Variants in FBXO7 observed in about 807,000 individuals in gnomAD.
FBXO7 encodes F-box only protein 7.
A neutral mutation model predicts 50.2 loss-of-function variants in FBXO7; 31 were observed. The observed-to-expected ratio is 0.62, with a 90% CI of 0.46 to 0.83. The LOEUF (loss-of-function observed/expected upper bound fraction) is 0.83, where lower values mean the gene tolerates loss of function less well. Among genes scored for constraint, FBXO7 ranks in the 40% least tolerant of loss-of-function variants. The pLI is 0.00. For synonymous variants in FBXO7, 256 were observed against 253.1 expected (o/e 1.01, Z -0.11); for missense variants, 667 against 646.6 (o/e 1.03, Z -0.34).
chr22:32,492,908 A>G (rs2146002347), intron 6 of FBXO7, 197 bp from the exon 7 acceptor site: 3 of 633,560 alleles, frequency 4.7e-6, no homozygotes, highest in Non-Finnish European at 8.4e-6. Context: ...GCCTAGAGTT[A>G]TATGAGTTAA....
At chr22:32,483,268 G>C (rs1225742577) in intron 2 of FBXO7, among the ~76,000 whole-genome samples, 1 of 152,142 alleles carries the variant, frequency 6.6e-6, no homozygotes, top group Non-Finnish European at 1.5e-5. Flanking sequence ...GAATATGGAG[G>C]GTGAAGTTAG....
chr22:32,477,669 T>C (rs538434059), intron 1 of FBXO7, among the ~76,000 whole-genome samples: 1 of 152,346 alleles, frequency 6.6e-6, no homozygotes, highest in Admixed American at 6.5e-5. Flanking sequence ...ATAATACTCC[T>C]CTAACTTTTT....
At chr22:32,480,859 T>C (rs551462573) in intron 2 of FBXO7, among the ~76,000 whole-genome samples, 1 of 152,148 alleles carries the variant, frequency 6.6e-6, no homozygotes, top group East Asian at 1.9e-4. Flanking sequence ...AGAGATGGGG[T>C]TTCACCATGT....
Position 32,474,996 on chromosome 22 carries a change from C to T in FBXO7, c.-7C>T, listed in dbSNP as rs1024567522. ...GGTCCAGGCCCCTCGGGCCGCCTGC[C>T]GCCGTCATGAGGCTGCGGGTGCGGC... On this transcript the variant is annotated 5_prime_UTR_variant, in exon 1 of 9. Transcript: ENST00000266087. 6 of 1,533,784 alleles carry T rather than the reference C, an allele frequency of 3.9e-6. No individual in the cohort carries two copies. The highest frequency in any genetic ancestry group is 1.4e-5 in the African/African-American group (1 of 71,734).
rs1376538332 is a variant in FBXO7, at chr22:32,475,135, G to A, written c.122+11G>A. On this transcript the variant is annotated intron_variant, in intron 1 of 8. Transcript: ENST00000266087. ...CACCTGGGGGTACAGGTACGCTGGG[G>A]CCGGGGCTGGGCGGCCCGCGGGGAG... 3 of 1,540,192 alleles carry A rather than the reference G, an allele frequency of 1.9e-6. No homozygotes were observed. Among genetic ancestry groups the A allele is most frequent in the African/African-American group, 1.4e-5 (1 of 71,800 alleles).
intron 1 of FBXO7, among the ~76,000 whole-genome samples, chr22:32,477,163 T>C (rs540667126): frequency 3.9e-5 from 6 of 152,342 alleles, no homozygotes; most frequent in Non-Finnish European, 7.3e-5. Flanking sequence ...ACTTGTTTTC[T>C]AGCAAACAGG....
rs1486056512 is a variant in FBXO7 at position 32,474,895 on chromosome 22, T to G, written c.-108T>G. ...CGCCTCAGCTACCCCTCAGCTCCGG[T>G]AGTCGCCAGTCCGGGGTCGTCGCCG... is the stretch of plus-strand genomic sequence containing the variant. On this transcript the variant is annotated 5_prime_UTR_variant, in exon 1 of 9. Transcript: ENST00000266087. The G allele has an allele frequency of 9.0e-7, 1 of 1,111,864 alleles. No homozygotes were observed. The highest frequency in any genetic ancestry group is 1.6e-5 in the African/African-American group (1 of 61,078). 68.9% of individuals were successfully genotyped at this position (1,111,864 alleles called of 1,614,324 possible). A position where few individuals can be genotyped will look rare whatever the true frequency, so the allele number is the denominator to read the frequency against.
intron 2 of FBXO7, among the ~76,000 whole-genome samples, chr22:32,480,956 G>A (rs571700455): frequency 2.6e-5 from 4 of 152,252 alleles, no homozygotes; most frequent in East Asian, 3.9e-4. Context: ...GTGAGCCACC[G>A]TGCCTGGCCT....
chr22:32,475,257 G>T, intron 1 of FBXO7, 133 bp downstream of exon 1: 2 of 1,555,606 alleles, frequency 1.3e-6, no homozygotes, highest in Non-Finnish European at 1.7e-6. Flanking sequence ...GGGGACGCCG[G>T]GGGGGCCTTC....
chr22:32,475,228 C>T, intron 1 of FBXO7, 104 bp downstream of exon 1: 3 of 1,515,990 alleles, frequency 2.0e-6, no homozygotes, highest in Non-Finnish European at 2.6e-6. Context: ...CGGGCGTGGC[C>T]GGGCGATAGG....
chr22:32,480,232 A>T (rs904758766), intron 2 of FBXO7, among the ~76,000 whole-genome samples: 2 of 152,112 alleles, frequency 1.3e-5, no homozygotes, highest in African/African-American at 4.8e-5. Context: ...ATAATTTTTG[A>T]GCTGAAAAAG....
At chr22:32,495,620 G>A in intron 8 of FBXO7, 90 bp downstream of exon 8, 1 of 617,016 alleles carries the variant, frequency 1.6e-6, no homozygotes, top group African/African-American at 1.9e-5. Flanking sequence ...ACTTTTATAT[G>A]ATGTAGTGAA....
rs764041917 is a variant in FBXO7, at chr22:32,498,536, T to C, written c.*6T>C. The C allele has an allele frequency of 6.2e-7, 1 of 1,611,396 alleles. No homozygotes were observed. Among genetic ancestry groups the C allele is most frequent in the African/African-American group, 1.3e-5 (1 of 75,052 alleles). On this transcript the variant is annotated 3_prime_UTR_variant, in exon 9 of 9. Coordinates refer to ENST00000266087, the MANE Select transcript of FBXO7 (RefSeq NM_012179.4). ...GCCGGCTGTCATTCATGTGATTGATTTGTAATTTCATTTCTGGAGCTCCAT... is the reference window on the plus strand; with the variant it reads ...GCCGGCTGTCATTCATGTGATTGATCTGTAATTTCATTTCTGGAGCTCCAT...
In FBXO7 at chr22:32,482,841, A is replaced by G. The variant is rs552590048; in HGVS notation, c.418-1056A>G. ...TGGGTGACATGTAGTCTGGTTTTTT[A>G]TAAACTTGCAGTCATGGAAGGATGC... On this transcript the variant is annotated intron_variant, in intron 2 of 8. Transcript: ENST00000266087. Among the ~76,000 whole-genome samples, 4 of 152,358 alleles carry G rather than the reference A, an allele frequency of 2.6e-5. No homozygotes were observed. In the East Asian group the frequency reaches 5.8e-4, roughly 22 times the overall value.
At chr22:32,482,103 A>G (rs2057468912) in intron 2 of FBXO7, among the ~76,000 whole-genome samples, 1 of 152,196 alleles carries the variant, frequency 6.6e-6, no homozygotes, top group Admixed American at 6.5e-5. Flanking sequence ...AATGGCCAAA[A>G]GTTAGACATA....
At position 32,485,300 on chromosome 22, in the gene FBXO7, C is replaced by T. The variant is rs548467125; in HGVS notation, c.787+91C>T. 9 of 1,481,444 alleles carry T rather than the reference C, an allele frequency of 6.1e-6. No homozygotes were observed. The South Asian group carries it at 9.1e-5, about 15-fold the overall frequency. 91.8% of individuals were successfully genotyped at this position (1,481,444 alleles called of 1,614,324 possible). On this transcript the variant is annotated intron_variant, in intron 4 of 8. Coordinates refer to ENST00000266087, the MANE Select transcript of FBXO7 (RefSeq NM_012179.4). ...TATAGCCACTTCAGTGATTGGCTATCATGATACAGTTGTGAGTCCTTCTCA... is the reference window on the plus strand; with the variant it reads ...TATAGCCACTTCAGTGATTGGCTATTATGATACAGTTGTGAGTCCTTCTCA...
In FBXO7 at chr22:32,479,168, C is replaced by T. The variant is rs1459132573; in HGVS notation, c.310C>T (p.Pro104Ser). 1.2e-6 allele frequency: 2 copies of T among 1,613,980 alleles called. No homozygotes were observed. Among genetic ancestry groups the T allele is most frequent in the Non-Finnish European group, 1.7e-6 (2 of 1,180,030 alleles). The change falls in exon 2 of 9, where the codon CCC becomes TCC. Residue 104 changes from proline to serine, a missense_variant. Transcript: ENST00000266087. ...EHSSLQNNEQPSLATSSNQTS... is the reference protein window; with the variant it reads ...EHSSLQNNEQSSLATSSNQTS... Reference sequence around the variant, plus strand: ...TTCTTCACTCCAGAATAATGAGCAACCCTCTTTGGCCACCAGCTCCAATCA... The same window carrying T: ...TTCTTCACTCCAGAATAATGAGCAATCCTCTTTGGCCACCAGCTCCAATCA...
chr22:32,496,453 G>C (rs1235933005), intron 8 of FBXO7, among the ~76,000 whole-genome samples: 1 of 152,048 alleles, frequency 6.6e-6, no homozygotes, highest in Non-Finnish European at 1.5e-5. Context: ...TTGCACTCCA[G>C]CCCAGGAGAC....
chr22:32,482,498 T>G (rs1369833710), intron 2 of FBXO7, among the ~76,000 whole-genome samples: 1 of 152,228 alleles, frequency 6.6e-6, no homozygotes, highest in Non-Finnish European at 1.5e-5. Context: ...AAACTTAATA[T>G]AGGTAACTTA....
Sources: allele counts gnomAD v4.1 joint callset (sites outside exome capture counted in the v4.1 genomes callset), GRCh38; gene constraint gnomAD v4.1.1; transcripts MANE v1.5; gene names NCBI Gene and HGNC (gene_info 2026-07-23, HGNC 2026-07-21).